Variants in ZNF469 observed in about 807,000 individuals in gnomAD.
ZNF469 encodes the protein zinc finger protein 469.
Under a neutral mutation model 1.0 loss-of-function variants are expected in ZNF469, and 1 was observed. That is an observed-to-expected ratio of 1.00 (90% confidence interval 0.35 to 4.73). The LOEUF is 4.73. ZNF469 is among the 30% of genes most tolerant of loss of function. ZNF469 has a pLI of 0.16. For missense variants in ZNF469, 6,100 were observed against 5,356.3 expected, an observed-to-expected ratio of 1.14 and a Z score of -4.33; for synonymous variants, 2,703 against 2,363.4, an observed-to-expected ratio of 1.14 and a Z score of -4.17.
Position 88,428,265 on chromosome 16 carries a change from C to T in ZNF469, c.795C>T (p.Gly265=), listed in dbSNP as rs996654964. The T allele has an allele frequency of 1.0e-5, 16 of 1,550,248 alleles. No individual in the cohort carries two copies. The highest frequency in any genetic ancestry group is 2.7e-5 in the African/African-American group (2 of 73,050). Residue 265 remains glycine, a synonymous_variant, in exon 3 of 3, where the codon GGC becomes GGT. Transcript: ENST00000565624. ...CTATTCCCAAAGGCAGCAGGCCCGG[C>T]GGCAGCCCCAGGGGAGTTTCCTTCC... is the stretch of plus-strand genomic sequence containing the variant. ...PEPIPKGSRP[G]GSPRGVSFQF...
the ZNF469 span, among the ~76,000 whole-genome samples, chr16:88,117,017 C>T: frequency 6.6e-6 from 1 of 152,164 alleles, no homozygotes. Flanking sequence ...CTACGAGAAT[C>T]TGAACCGGCC....
chr16:88,324,633 G>A, the ZNF469 span, among the ~76,000 whole-genome samples: 6 of 152,218 alleles, frequency 3.9e-5, no homozygotes, highest in Non-Finnish European at 7.3e-5. Context: ...CAGGGAGTGC[G>A]CCAGGGTGAG....
At chr16:88,265,981 C>T in the ZNF469 span, among the ~76,000 whole-genome samples, 1 of 152,222 alleles carries the variant, frequency 6.6e-6, no homozygotes, top group Admixed American at 6.5e-5. Flanking sequence ...ACATGACGGG[C>T]CCTGAGTGCC....
chr16:88,298,223 A>C, the ZNF469 span, among the ~76,000 whole-genome samples: 1 of 152,160 alleles, frequency 6.6e-6, no homozygotes, highest in Non-Finnish European at 1.5e-5. Flanking sequence ...GCTTTGGAGA[A>C]GGGGCCTCTG....
the ZNF469 span, among the ~76,000 whole-genome samples, chr16:88,212,315 A>C: frequency 1.3e-5 from 2 of 152,028 alleles, no homozygotes; most frequent in African/African-American, 4.8e-5. Flanking sequence ...CTTGCATTAC[A>C]TTTTTCTTTT....
chr16:88,249,082 T>G, the ZNF469 span, among the ~76,000 whole-genome samples: 1 of 152,064 alleles, frequency 6.6e-6, no homozygotes, highest in Non-Finnish European at 1.5e-5. Flanking sequence ...CCCACATCCA[T>G]TGCTGATGCC....
chr16:88,148,366 C>A, the ZNF469 span, among the ~76,000 whole-genome samples: 5 of 152,312 alleles, frequency 3.3e-5, no homozygotes, highest in Middle Eastern at 3.4e-3. Flanking sequence ...ATGCCCTGCT[C>A]CATGCCGGAC....
the ZNF469 span, among the ~76,000 whole-genome samples, chr16:88,107,969 G>A: frequency 6.6e-6 from 1 of 152,364 alleles, no homozygotes; most frequent in Non-Finnish European, 1.5e-5. Context: ...CTGCACACAG[G>A]TCTCGCTGAC....
the ZNF469 span, among the ~76,000 whole-genome samples, chr16:88,268,679 G>A: frequency 2.6e-5 from 4 of 152,226 alleles, no homozygotes; most frequent in South Asian, 2.1e-4. Flanking sequence ...GACCTGGGCC[G>A]CTGGGCTGAG....
At chr16:88,194,082 T>A in the ZNF469 span, among the ~76,000 whole-genome samples, 1 of 152,278 alleles carries the variant, frequency 6.6e-6, no homozygotes, top group African/African-American at 2.4e-5. Flanking sequence ...AATCACTCTT[T>A]AAGCTCCCGC....
the ZNF469 span, among the ~76,000 whole-genome samples, chr16:88,219,080 C>T: frequency 1.3e-5 from 2 of 149,772 alleles, no homozygotes; most frequent in Non-Finnish European, 2.9e-5. Context: ...AGGACCTCTT[C>T]AAGGAGAACT....
the ZNF469 span, among the ~76,000 whole-genome samples, chr16:88,224,823 C>T: frequency 6.6e-6 from 1 of 152,208 alleles, no homozygotes; most frequent in Non-Finnish European, 1.5e-5. Context: ...GGCCCACAGC[C>T]TTTTGATTCC....
chr16:88,320,819 G>C, the ZNF469 span, among the ~76,000 whole-genome samples: 1 of 152,188 alleles, frequency 6.6e-6, no homozygotes, highest in Non-Finnish European at 1.5e-5. Flanking sequence ...AACCCCCAGT[G>C]GTTAACCAGC....
chr16:88,208,858 C>A, the ZNF469 span, among the ~76,000 whole-genome samples: 7 of 150,730 alleles, frequency 4.6e-5, no homozygotes, highest in African/African-American at 1.7e-4. Context: ...CCACGAGCTC[C>A]CACGATGCCT....
the ZNF469 span, among the ~76,000 whole-genome samples, chr16:88,209,004 A>C: frequency 1.4e-4 from 22 of 152,096 alleles, no homozygotes; most frequent in Non-Finnish European, 8.8e-5. Context: ...AACCCACCCC[A>C]CTGTGGAAAC....
chr16:88,401,040 C>T (rs931252239), intron 1 of ZNF469, among the ~76,000 whole-genome samples: 1 of 152,106 alleles, frequency 6.6e-6, no homozygotes, highest in Admixed American at 6.6e-5. Context: ...GCCTGGCTCC[C>T]TCCACCCCAG....
the ZNF469 span, among the ~76,000 whole-genome samples, chr16:88,227,852 C>T: frequency 2.0e-5 from 3 of 152,198 alleles, no homozygotes; most frequent in Non-Finnish European, 2.9e-5. Context: ...CCGTCCTCGG[C>T]GTTCCCCGGC....
the ZNF469 span, among the ~76,000 whole-genome samples, chr16:88,361,626 GA>G: frequency 5.3e-5 from 8 of 151,886 alleles, no homozygotes; most frequent in South Asian, 2.1e-4. Context: ...TACATGTTTT[GA>G]AAATGCTTTC....
chr16:88,401,213 C>G (rs1490377398), intron 1 of ZNF469, among the ~76,000 whole-genome samples: 1 of 152,212 alleles, frequency 6.6e-6, no homozygotes, highest in Admixed American at 6.5e-5. Context: ...CTTCTCCCAG[C>G]ATTGGGGTAT....
Sources: allele counts gnomAD v4.1 joint callset (sites outside exome capture counted in the v4.1 genomes callset), GRCh38; gene constraint gnomAD v4.1.1; transcripts MANE v1.5; gene names NCBI Gene and HGNC (gene_info 2026-07-23, HGNC 2026-07-21).